PLA2G6: variants seen among roughly 807,000 people sequenced by gnomAD.
PLA2G6 encodes the protein phospholipase A2 group VI.
In PLA2G6, 62 loss-of-function variants were observed where a neutral mutation model predicts 83.8. That is an observed-to-expected ratio of 0.74 (90% CI 0.60 to 0.91). The LOEUF (loss-of-function observed/expected upper bound fraction) is 0.91. PLA2G6 is among the 40% of genes least tolerant of loss of function. The pLI, the probability that PLA2G6 is intolerant of heterozygous loss-of-function variation, is 0.00. For synonymous variants in PLA2G6, 417 were observed against 449.8 expected (o/e 0.93, Z 0.92); for missense variants, 944 against 1,102.0 (o/e 0.86, Z 2.03).
At chr22:38,156,552 C>T (rs1242191646) in intron 2 of PLA2G6, among the ~76,000 whole-genome samples, 2 of 152,008 alleles carry the variant, frequency 1.3e-5, no homozygotes, top group East Asian at 3.8e-4. Flanking sequence ...CTCCCGGGTT[C>T]ACACCATTCT....
intron 1 of PLA2G6, among the ~76,000 whole-genome samples, chr22:38,170,997 C>G (rs994345733): frequency 1.3e-5 from 2 of 151,598 alleles, no homozygotes; most frequent in East Asian, 3.9e-4. Flanking sequence ...ATGGAGAAAC[C>G]CCGTCTCTAC....
At position 38,132,772 on chromosome 22, in the gene PLA2G6, C is replaced by A. The variant is rs1054465366; in HGVS notation, c.1077+59G>T. On this transcript the variant is annotated intron_variant, in intron 7 of 16. Transcript: ENST00000332509. The surrounding 1 kb of genome is among the most constrained non-coding windows in gnomAD (Gnocchi z 5.0). ...GTGGGGAGGAGGGCTCCAGTCCGGA[C>A]AGCCCTCCTGCATTCCCACCGGGGC... 6 of 1,427,586 alleles carry A rather than the reference C, an allele frequency of 4.2e-6. No individual in the cohort carries two copies. The highest frequency in any genetic ancestry group is 1.2e-5 in the South Asian group (1 of 80,944). 88.4% of individuals were successfully genotyped at this position (1,427,586 alleles called of 1,614,324 possible). A position where few individuals can be genotyped will look rare whatever the true frequency, so the allele number is the denominator to read the frequency against.
chr22:38,113,378 G>A (rs1371928374), intron 15 of PLA2G6, 109 bp downstream of exon 15: 1 of 1,075,830 alleles, frequency 9.3e-7, no homozygotes, highest in East Asian at 2.4e-5. Context: ...GCGATGGACA[G>A]AGCCCTGCTG....
At chr22:38,112,628 G>A (rs765853148) in intron 15 of PLA2G6, 51 bp from the exon 16 acceptor site, 43 of 1,456,256 alleles carry the variant, frequency 3.0e-5, no homozygotes, top group Middle Eastern at 2.0e-4. Flanking sequence ...CGCCCGGCCC[G>A]CACCCCGCCC....
At chr22:38,172,898 C>T (rs2090491720) in intron 1 of PLA2G6, among the ~76,000 whole-genome samples, 1 of 152,242 alleles carries the variant, frequency 6.6e-6, no homozygotes, top group African/African-American at 2.4e-5. Context: ...AGCATGGCCA[C>T]AGAAACGACA....
intron 1 of PLA2G6, among the ~76,000 whole-genome samples, chr22:38,171,622 C>A (rs2090441896): frequency 6.6e-6 from 1 of 151,960 alleles, no homozygotes; most frequent in Non-Finnish European, 1.5e-5. Flanking sequence ...AATTTGAGAC[C>A]AGCCTGACCA....
intron 13 of PLA2G6, 129 bp from the exon 14 acceptor site, chr22:38,115,810 A>C: frequency 1.3e-6 from 2 of 1,482,328 alleles, no homozygotes; most frequent in South Asian, 2.7e-5. Flanking sequence ...AACTCTTCAG[A>C]AGCAGGACCC....
chr22:38,139,415 TTTTATTTATTTA>T (rs3041763), intron 5 of PLA2G6: 10 of 147,342 alleles, frequency 6.8e-5, no homozygotes, highest in East Asian at 2.0e-4. Context: ...ATAAATTTAT[TTTTATTTATTTA>T]TTTATTTATT....
At chr22:38,133,363 G>C in intron 6 of PLA2G6, 1 of 346,078 alleles carries the variant, frequency 2.9e-6, no homozygotes. Context: ...CCCTGCAAAG[G>C]TATCACCTCT....
chr22:38,112,645 G>A, intron 15 of PLA2G6, 68 bp from the exon 16 acceptor site: 1 of 1,338,686 alleles, frequency 7.5e-7, no homozygotes, highest in Middle Eastern at 2.3e-4. Context: ...GCCCGGCCCT[G>A]CCCTGCACTC....
intron 15 of PLA2G6, among the ~76,000 whole-genome samples, chr22:38,113,280 A>G (rs987692900): frequency 3.3e-5 from 5 of 152,134 alleles, no homozygotes; most frequent in Admixed American, 2.0e-4. Context: ...AAAGCGTTTG[A>G]AAACCCCCCT....
chr22:38,160,734 A>G (rs1406334502), intron 2 of PLA2G6, among the ~76,000 whole-genome samples: 1 of 152,078 alleles, frequency 6.6e-6, no homozygotes, highest in African/African-American at 2.4e-5. Flanking sequence ...AGTCCCAGCT[A>G]CTCAGGAGGC....
At position 38,156,077 on chromosome 22, in the gene PLA2G6, A is replaced by C. The variant is rs533454025; in HGVS notation, c.210-10424T>G. 2.0e-5 allele frequency among the ~76,000 whole-genome samples: 3 copies of C among 152,250 alleles called. No individual in the cohort carries two copies. The East Asian group carries it at 5.8e-4, about 29-fold the overall frequency. ...ACTTCAAGACAAAAACTATAAAAAG[A>C]GACAAAGAAGGTCATTATATAAAAG... On this transcript the variant is annotated intron_variant, in intron 2 of 16. Coordinates refer to ENST00000332509, the MANE Select transcript of PLA2G6 (RefSeq NM_003560.4).
intron 2 of PLA2G6, among the ~76,000 whole-genome samples, chr22:38,165,696 G>A (rs558906729): frequency 6.6e-6 from 1 of 152,154 alleles, no homozygotes; most frequent in Admixed American, 6.5e-5. Context: ...AGAGTAGATG[G>A]TGAAACCCCG....
rs5756934 is a variant in PLA2G6, at chr22:38,151,272, G to T, written c.210-5619C>A. Among the ~76,000 whole-genome samples the T allele has an allele frequency of 8.0e-5, 12 of 150,932 alleles. 1 individual carries two copies. The highest frequency in any genetic ancestry group is 4.6e-4 in the Admixed American group (7 of 15,158). On this transcript the variant is annotated intron_variant, in intron 2 of 16. Coordinates refer to ENST00000332509, the MANE Select transcript of PLA2G6 (RefSeq NM_003560.4). ...CTTCTTTTTTTTTTTTGGAGACATG[G>T]TCTCACTCCTGTCACCCACGCTGGA... is the stretch of plus-strand genomic sequence containing the variant.
intron 2 of PLA2G6, among the ~76,000 whole-genome samples, chr22:38,161,119 G>T (rs1317762177): frequency 1.3e-5 from 2 of 152,092 alleles, no homozygotes; most frequent in African/African-American, 4.8e-5. Context: ...GTAGAGTCAA[G>T]AAATAATTTT....
chr22:38,172,075 C>A (rs1188023868), intron 1 of PLA2G6, among the ~76,000 whole-genome samples: 2 of 152,160 alleles, frequency 1.3e-5, no homozygotes, highest in Non-Finnish European at 2.9e-5. Context: ...ACAACTGCCC[C>A]TCCTGCCAGA....
In PLA2G6 at chr22:38,148,296, G is replaced by A. The variant is rs556595693; in HGVS notation, c.210-2643C>T. ...AGGAGCAAATAAAGGAAAGGATAGC[G>A]AATGGGGAAAGTGTAATCAGGCATT... On this transcript the variant is annotated intron_variant, in intron 2 of 16. Transcript: ENST00000332509. 321 of 540,358 alleles carry A rather than the reference G, an allele frequency of 5.9e-4. 2 individuals carry two copies. Among genetic ancestry groups the A allele is most frequent in the African/African-American group, 5.0e-3 (257 of 51,780 alleles). 33.5% of individuals were successfully genotyped at this position (540,358 alleles called of 1,614,324 possible). A position where few individuals can be genotyped will look rare whatever the true frequency, so the allele number is the denominator to read the frequency against.
intron 9 of PLA2G6, chr22:38,127,086 C>T: frequency 9.1e-7 from 1 of 1,103,500 alleles, no homozygotes; most frequent in Non-Finnish European, 1.1e-6. Flanking sequence ...CTAGCTGCCC[C>T]TCCTGACAAG....
Sources: gnomAD v4.1 joint callset for allele counts (sites outside exome capture counted in the v4.1 genomes callset) on GRCh38, gnomAD v4.1.1 for gene constraint, Gnocchi (gnomAD v3.1) non-coding constraint, MANE v1.5 for transcripts, NCBI Gene and HGNC (gene_info 2026-07-23, HGNC 2026-07-21) for gene names.